Variants in GRID2 observed in about 807,000 individuals in gnomAD.
The protein encoded by GRID2 is glutamate receptor ionotropic, delta-2.
In GRID2, 33 loss-of-function variants were observed where a neutral mutation model predicts 114.8. The observed-to-expected ratio is 0.29, with a 90% CI of 0.22 to 0.38. The LOEUF is 0.38. GRID2 is among the 10% of genes least tolerant of loss of function. GRID2 has a pLI of 1.00. For missense variants in GRID2, 1,184 were observed against 1,257.7 expected (o/e 0.94, Z 0.89); for synonymous variants, 505 against 449.9 (o/e 1.12, Z -1.55).
At chr4:93,754,903 A>G (rs1042136247) in intron 14 of GRID2, among the ~76,000 whole-genome samples, 6 of 152,240 alleles carry the variant, frequency 3.9e-5, no homozygotes, top group Non-Finnish European at 1.5e-5. Context: ...CTGAATAAAG[A>G]GACCAGCCTC....
At chr4:92,560,602 G>A (rs762780156) in intron 1 of GRID2, among the ~76,000 whole-genome samples, 1 of 150,022 alleles carries the variant, frequency 6.7e-6, no homozygotes, top group Non-Finnish European at 1.5e-5. Context: ...TGTACCTTTG[G>A]TTAGATCCAT....
chr4:93,219,352 A>G (rs1270172592), intron 6 of GRID2, among the ~76,000 whole-genome samples: 1 of 152,182 alleles, frequency 6.6e-6, no homozygotes, highest in Non-Finnish European at 1.5e-5. Context: ...ATATCTGTGA[A>G]CAAATATTTT....
At chr4:92,723,997 A>G (rs1015549106) in intron 2 of GRID2, among the ~76,000 whole-genome samples, 2 of 152,158 alleles carry the variant, frequency 1.3e-5, no homozygotes, top group African/African-American at 4.8e-5. Flanking sequence ...TAGATATATT[A>G]TTAATTCCAA....
intron 14 of GRID2, among the ~76,000 whole-genome samples, chr4:93,709,649 T>A (rs1728312908): frequency 6.6e-6 from 1 of 152,236 alleles, no homozygotes; most frequent in African/African-American, 2.4e-5. Flanking sequence ...TCTGCGTTAT[T>A]GTCCCTTTGA....
At chr4:93,559,039 T>G (rs1393215097) in intron 13 of GRID2, among the ~76,000 whole-genome samples, 1 of 152,118 alleles carries the variant, frequency 6.6e-6, no homozygotes, top group East Asian at 1.9e-4. Context: ...TCAACACCCC[T>G]TCATGCTAAA....
intron 13 of GRID2, among the ~76,000 whole-genome samples, chr4:93,531,085 G>T (rs772017402): frequency 1.3e-5 from 2 of 152,072 alleles, no homozygotes; most frequent in Non-Finnish European, 2.9e-5. Flanking sequence ...ATGCCATGTA[G>T]AATTATGTTT....
At chr4:92,776,105 A>G (rs907191830) in intron 2 of GRID2, among the ~76,000 whole-genome samples, 4 of 152,140 alleles carry the variant, frequency 2.6e-5, no homozygotes, top group Non-Finnish European at 5.9e-5. Context: ...TGCCTGAGGG[A>G]AAAATAACTG....
At chr4:92,378,160 A>C in intron 1 of GRID2, among the ~76,000 whole-genome samples, 1 of 152,070 alleles carries the variant, frequency 6.6e-6, no homozygotes, top group East Asian at 1.9e-4. Context: ...TTTCCAAGGT[A>C]AAGTACTTAA....
Position 93,398,133 on chromosome 4 carries a change from G to GTGTGTGTGTATGTATATATATATATA in GRID2, c.1347+2426_1347+2427insGTGTGTGTATGTATATATATATATAT. On this transcript the variant is annotated intron_variant, in intron 9 of 15. Transcript: ENST00000282020. ...GAAATACATACATGTATGTGTGTGT[G>GTGTGTGTGTATGTATATATATATATA]TATATATATATATATATATCTTATC... Among the ~76,000 whole-genome samples, 53 of 122,346 alleles carry GTGTGTGTGTATGTATATATATATATA rather than the reference G, an allele frequency of 4.3e-4. 6 individuals are homozygous for GTGTGTGTGTATGTATATATATATATA. The highest frequency in any genetic ancestry group is 1.8e-3 in the African/African-American group (46 of 25,914). 80.3% of individuals were successfully genotyped at this position (122,346 alleles called of 152,430 possible). A position where few individuals can be genotyped will look rare whatever the true frequency, so the allele number is the denominator to read the frequency against.
intron 1 of GRID2, among the ~76,000 whole-genome samples, chr4:92,411,872 AT>A (rs1264228819): frequency 1.3e-5 from 2 of 151,024 alleles, no homozygotes; most frequent in Middle Eastern, 3.5e-3. Context: ...CGCCCGGCTA[AT>A]TTTTTGTATT....
At chr4:92,924,024 A>G (rs916672883) in intron 2 of GRID2, among the ~76,000 whole-genome samples, 2 of 152,230 alleles carry the variant, frequency 1.3e-5, no homozygotes, top group Non-Finnish European at 1.5e-5. Flanking sequence ...GATAGACTGG[A>G]TTAAGAAAAT....
intron 7 of GRID2, among the ~76,000 whole-genome samples, chr4:93,237,938 C>T (rs1213679948): frequency 6.6e-6 from 1 of 151,770 alleles, no homozygotes; most frequent in African/African-American, 2.4e-5. Flanking sequence ...TAATTTTAGA[C>T]CAAATTGAAT....
intron 14 of GRID2, among the ~76,000 whole-genome samples, chr4:93,723,179 A>G (rs1302874934): frequency 6.6e-6 from 1 of 152,192 alleles, no homozygotes; most frequent in Non-Finnish European, 1.5e-5. Flanking sequence ...CCTGTTGCTG[A>G]TAGAACTTCA....
intron 2 of GRID2, among the ~76,000 whole-genome samples, chr4:92,775,446 T>G (rs558586483): frequency 8.5e-5 from 13 of 152,240 alleles, no homozygotes; most frequent in African/African-American, 3.1e-4. Flanking sequence ...ACAGTAAATT[T>G]TATGTATCAA....
chr4:93,766,569 C>A (rs1733694959), intron 14 of GRID2, among the ~76,000 whole-genome samples: 1 of 152,132 alleles, frequency 6.6e-6, no homozygotes, highest in South Asian at 2.1e-4. Flanking sequence ...TGGTGTGATG[C>A]AAATAGGAGA....
At chr4:93,194,684 T>C (rs1741308014) in intron 4 of GRID2, among the ~76,000 whole-genome samples, 1 of 152,174 alleles carries the variant, frequency 6.6e-6, no homozygotes, top group African/African-American at 2.4e-5. Context: ...CAGAATGGCT[T>C]TGTTTATTAA....
At chr4:92,803,215 G>C (rs1439126396) in intron 2 of GRID2, among the ~76,000 whole-genome samples, 2 of 151,794 alleles carry the variant, frequency 1.3e-5, no homozygotes, top group African/African-American at 4.8e-5. Flanking sequence ...AACCAAAGCT[G>C]GCATTCTATT....
At chr4:93,732,098 A>AT (rs2110227211) in intron 14 of GRID2, among the ~76,000 whole-genome samples, 1 of 152,236 alleles carries the variant, frequency 6.6e-6, no homozygotes, top group East Asian at 1.9e-4. Flanking sequence ...AGGCAAAAAC[A>AT]TAAAACCCCC....
chr4:92,417,491 C>T (rs370099637), intron 1 of GRID2, among the ~76,000 whole-genome samples: 61 of 152,102 alleles, frequency 4.0e-4, no homozygotes, highest in African/African-American at 1.4e-3. Flanking sequence ...AGCAATTACC[C>T]CCTGAGGAAC....
Sources: gnomAD v4.1 joint callset for allele counts (sites outside exome capture counted in the v4.1 genomes callset) on GRCh38, gnomAD v4.1.1 for gene constraint, MANE v1.5 for transcripts, NCBI Gene and HGNC (gene_info 2026-07-23, HGNC 2026-07-21) for gene names.